The following DGKE variants were observed in gnomAD, a reference collection of about 807,000 sequenced individuals.
DGKE encodes diacylglycerol kinase epsilon.
A neutral mutation model predicts 70.0 loss-of-function variants in DGKE; 53 were observed. The observed-to-expected ratio is 0.76, with a 90% CI of 0.61 to 0.95. The LOEUF is 0.95. Among genes scored for constraint, DGKE ranks in the 40% least tolerant of loss-of-function variants. The pLI is 0.00. For missense variants in DGKE, 655 were observed against 706.9 expected, an observed-to-expected ratio of 0.93 and a Z score of 0.83; for synonymous variants, 291 against 257.0, an observed-to-expected ratio of 1.13 and a Z score of -1.27.
At chr17:56,849,851 G>A (rs781425258) in intron 7 of DGKE, among the ~76,000 whole-genome samples, 4 of 152,148 alleles carry the variant, frequency 2.6e-5, no homozygotes, top group Non-Finnish European at 4.4e-5. Context: ...AAAAGTTTTC[G>A]TAGTGTTAAA....
At chr17:56,861,680 A>G (rs1908299879) in intron 9 of DGKE, 111 bp from the exon 10 acceptor site, 3 of 1,442,656 alleles carry the variant, frequency 2.1e-6, no homozygotes, top group Non-Finnish European at 2.8e-6. Flanking sequence ...CATCTTCTAC[A>G]TGTGCATCTC....
At chr17:56,836,898 ATTC>A (rs766406087) in intron 2 of DGKE, among the ~76,000 whole-genome samples, 31 of 152,164 alleles carry the variant, frequency 2.0e-4, no homozygotes, top group Non-Finnish European at 3.7e-4. Context: ...TCCTCTCAGT[ATTC>A]TTCTGGCTAG....
chr17:56,854,128 G>A (rs777314519), intron 7 of DGKE, among the ~76,000 whole-genome samples: 7 of 152,058 alleles, frequency 4.6e-5, no homozygotes, highest in Non-Finnish European at 7.4e-5. Context: ...ACTCAAAGTC[G>A]AGAGTAGAAT....
Position 56,862,878 on chromosome 17 carries a change from A to C in DGKE, c.*87A>C, listed in dbSNP as rs533305488. 7 of 1,206,974 alleles carry C rather than the reference A, an allele frequency of 5.8e-6. No individual in the cohort carries two copies. In the African/African-American group the frequency reaches 1.1e-4, roughly 19 times the overall value. 74.8% of individuals were successfully genotyped at this position (1,206,974 alleles called of 1,614,324 possible). On this transcript the variant is annotated 3_prime_UTR_variant, in exon 12 of 12. Transcript: ENST00000284061. ...AAAGTATTAATAGAAATTCTCTATC[A>C]GCTATTCAGTCTTAATTTCACTAGT...
In DGKE at chr17:56,861,430, T is replaced by C. The variant is rs139094660; in HGVS notation, c.1285-361T>C. Among the ~76,000 whole-genome samples the C allele has an allele frequency of 8.5e-5, 13 of 152,250 alleles. No homozygotes were observed. In the East Asian group the frequency reaches 2.5e-3, roughly 29 times the overall value. On this transcript the variant is annotated intron_variant, in intron 9 of 11. Coordinates refer to ENST00000284061, the MANE Select transcript of DGKE (RefSeq NM_003647.3). ...ATGGATCTGGCCCAGTTTACTTTCC[T>C]GAGAAGGAACATCCAGGGAAGTAGA...
intron 7 of DGKE, among the ~76,000 whole-genome samples, chr17:56,849,494 T>A (rs1210082041): frequency 6.6e-6 from 1 of 152,146 alleles, no homozygotes; most frequent in East Asian, 1.9e-4. Flanking sequence ...GCAAAGGACT[T>A]TCCAGGCAGA....
chr17:56,835,233 C>G lies in DGKE; in HGVS notation c.438C>G (p.Gly146=). The change falls in exon 2 of 12, where the codon GGC becomes GGG. Residue 146 remains glycine, a synonymous_variant. Coordinates refer to ENST00000284061, the MANE Select transcript of DGKE (RefSeq NM_003647.3). ...GTATGGTTTGCAAGCAGCAGTGTGGCTGTCAACCCAAGCTTTGCGATTACA... is the reference window on the plus strand; with the variant it reads ...GTATGGTTTGCAAGCAGCAGTGTGGGTGTCAACCCAAGCTTTGCGATTACA... ...SYCMVCKQQC[G]CQPKLCDYRC... 2.5e-6 allele frequency: 4 copies of G among 1,612,512 alleles called. No homozygotes were observed. The highest frequency in any genetic ancestry group is 2.5e-6 in the Non-Finnish European group (3 of 1,179,596).
chr17:56,843,933 A>G, intron 2 of DGKE, 86 bp from the exon 3 acceptor site: 2 of 1,324,962 alleles, frequency 1.5e-6, no homozygotes, highest in Admixed American at 6.0e-5. Flanking sequence ...ATTATGTTTT[A>G]TTTTTTAACA....
chr17:56,850,615 A>G (rs1032374072), intron 7 of DGKE, among the ~76,000 whole-genome samples: 2 of 152,234 alleles, frequency 1.3e-5, no homozygotes, highest in Non-Finnish European at 2.9e-5. Context: ...ACACTGATGC[A>G]TGTTTCTCTG....
Position 56,869,303 on chromosome 17 carries a change from A to G in DGKE, c.*6512A>G, listed in dbSNP as rs908512325. The G allele has an allele frequency of 6.6e-6, 1 of 152,234 alleles. No individual in the cohort carries two copies. The highest frequency in any genetic ancestry group is 1.5e-5 in the Non-Finnish European group (1 of 68,042). The allele number at this position is 152,234 out of a possible 1,614,324, so 9.4% of individuals were successfully genotyped here. A position where few individuals can be genotyped will look rare whatever the true frequency, so the allele number is the denominator to read the frequency against. ...GGCAACTAATTGACTATCGTCTACC[A>G]TAAGGTTATATGATAATTATTAGGG... On this transcript the variant is annotated 3_prime_UTR_variant, in exon 12 of 12. Coordinates refer to ENST00000284061, the MANE Select transcript of DGKE (RefSeq NM_003647.3).
intron 4 of DGKE, 57 bp downstream of exon 4, chr17:56,845,866 G>A (rs1907255576): frequency 6.7e-6 from 10 of 1,485,156 alleles, no homozygotes; most frequent in Non-Finnish European, 9.0e-6. Context: ...AAAATGCAAT[G>A]ATTATTAATG....
intron 2 of DGKE, among the ~76,000 whole-genome samples, chr17:56,840,164 C>A (rs1445536571): frequency 2.0e-5 from 3 of 151,874 alleles, no homozygotes; most frequent in Non-Finnish European, 4.4e-5. Flanking sequence ...AACTCCATCT[C>A]AAAAAATAAT....
At chr17:56,843,896 C>T in intron 2 of DGKE, 123 bp from the exon 3 acceptor site, 3 of 934,550 alleles carry the variant, frequency 3.2e-6, no homozygotes, top group Admixed American at 4.0e-5. Flanking sequence ...ATTTTATTTG[C>T]CAAATGTTAT....
At chr17:56,844,979 AGGGACATTT>A (rs1907196822) in intron 3 of DGKE, among the ~76,000 whole-genome samples, 1 of 152,190 alleles carries the variant, frequency 6.6e-6, no homozygotes, top group Non-Finnish European at 1.5e-5. Context: ...CTGCAAGGGA[AGGGACATTT>A]TAAATTTTTC....
At position 56,858,533 on chromosome 17, in the gene DGKE, T is replaced by C. The variant is rs188805640; in HGVS notation, c.1213-61T>C. 30 of 1,391,320 alleles carry C rather than the reference T, an allele frequency of 2.2e-5. No homozygotes were observed. The African/African-American group carries it at 3.8e-4, about 18-fold the overall frequency. The allele number at this position is 1,391,320 out of a possible 1,614,324, so 86.2% of individuals were successfully genotyped here. ...AAGGGAGCTTTGATACAGCGTATTT[T>C]TTCTTATTGTTTACAGGGTTAGATT... On this transcript the variant is annotated intron_variant, in intron 8 of 11. Coordinates refer to ENST00000284061, the MANE Select transcript of DGKE (RefSeq NM_003647.3).
Position 56,835,457 on chromosome 17 carries a change from C to T in DGKE, c.464+198C>T, listed in dbSNP as rs948987299. ...TCATTTGCTGAGACGATGCATCCAG[C>T]CTCCACTCCTCAGCCAGCCTGCCCT... is the stretch of plus-strand genomic sequence containing the variant. On this transcript the variant is annotated intron_variant, in intron 2 of 11. Coordinates refer to ENST00000284061, the MANE Select transcript of DGKE (RefSeq NM_003647.3). 3.0e-5 allele frequency: 18 copies of T among 601,730 alleles called. No homozygotes were observed. The East Asian group carries it at 5.3e-4, about 18-fold the overall frequency. 37.3% of individuals were successfully genotyped at this position (601,730 alleles called of 1,614,324 possible). A position where few individuals can be genotyped will look rare whatever the true frequency, so the allele number is the denominator to read the frequency against.
chr17:56,856,307 T>C (rs908341349), intron 7 of DGKE, among the ~76,000 whole-genome samples: 1 of 151,982 alleles, frequency 6.6e-6, no homozygotes, highest in African/African-American at 2.4e-5. Flanking sequence ...AAATGGAAGA[T>C]GAGATTCACA....
intron 7 of DGKE, among the ~76,000 whole-genome samples, chr17:56,854,360 A>G (rs1038956350): frequency 6.6e-6 from 1 of 151,934 alleles, no homozygotes; most frequent in Non-Finnish European, 1.5e-5. Flanking sequence ...TCATTTGACC[A>G]TGCAGTGGCG....
intron 4 of DGKE, among the ~76,000 whole-genome samples, chr17:56,846,643 AT>A (rs781216848): frequency 4.8e-4 from 50 of 103,322 alleles, no homozygotes; most frequent in Non-Finnish European, 9.1e-4. Context: ...AAACAAAAAA[AT>A]ACAAAAAAAT....
Sources: allele counts gnomAD v4.1 joint callset (sites outside exome capture counted in the v4.1 genomes callset), GRCh38; gene constraint gnomAD v4.1.1; transcripts MANE v1.5; gene names NCBI Gene and HGNC (gene_info 2026-07-23, HGNC 2026-07-21).